The following JAK3 variants were observed in gnomAD, a reference collection of about 807,000 sequenced individuals.
JAK3 encodes the protein tyrosine-protein kinase JAK3.
A neutral mutation model predicts 120.8 loss-of-function variants in JAK3; 88 were observed. That is an observed-to-expected ratio of 0.73 (90% CI 0.61 to 0.87). The LOEUF (loss-of-function observed/expected upper bound fraction) is 0.87. Ranked by LOEUF, JAK3 falls within the 40% of genes least tolerant of loss-of-function variation. The probability of loss-of-function intolerance (pLI) is 0.00; values close to 1 mark genes in which losing one functional copy is unlikely to be tolerated. For synonymous variants in JAK3, 592 were observed against 628.6 expected, an observed-to-expected ratio of 0.94 and a Z score of 0.87; for missense variants, 1,254 against 1,501.4, an observed-to-expected ratio of 0.84 and a Z score of 2.72.
At chr19:17,845,016 C>G (rs539793037) in intron 1 of JAK3, among the ~76,000 whole-genome samples, 43 of 152,002 alleles carry the variant, frequency 2.8e-4, no homozygotes, top group Non-Finnish European at 5.1e-4. Context: ...AAGGAGGTCA[C>G]TCAAATTGAC....
Position 17,839,555 on chromosome 19 carries a change from C to T in JAK3, c.1363G>A (p.Ala455Thr). Reference sequence around the variant, plus strand: ...TGCAGCCCCCCATCCCAGCAGGTTGCCAGGAGCTCTCGAAGACTGCTGTGG... The same window carrying T: ...TGCAGCCCCCCATCCCAGCAGGTTGTCAGGAGCTCTCGAAGACTGCTGTGG... ...RPHSSLRELL[A>T]TCWDGGLHVD... Residue 455 changes from alanine (A) to threonine (T), a missense_variant, in exon 10 of 24, where the codon GCA (alanine) becomes ACA (threonine). Transcript: ENST00000458235. 1 of 1,608,320 alleles carries T rather than the reference C, an allele frequency of 6.2e-7. No homozygotes were observed. Among genetic ancestry groups the T allele is most frequent in the Non-Finnish European group, 8.5e-7 (1 of 1,177,748 alleles).
intron 1 of JAK3, among the ~76,000 whole-genome samples, chr19:17,845,896 C>T (rs1238390561): frequency 6.6e-6 from 1 of 152,128 alleles, no homozygotes; most frequent in East Asian, 1.9e-4. Flanking sequence ...ACAATCTCGG[C>T]TTACTCTGCA....
rs910497214 is a variant in JAK3 at position 17,826,182 on chromosome 19, G to A, written c.*561C>T. ...GAGGATCACTTGAGGTTAGGAGTTC[G>A]AGATCAGCCTGGCCATCATGGTGAA... On this transcript the variant is annotated 3_prime_UTR_variant, in exon 24 of 24. Coordinates refer to ENST00000458235, the MANE Select transcript of JAK3 (RefSeq NM_000215.4). 1.9e-5 allele frequency: 3 copies of A among 154,896 alleles called. No homozygotes were observed. The highest frequency in any genetic ancestry group is 4.3e-5 in the Non-Finnish European group (3 of 70,132). The allele number at this position is 154,896 out of a possible 1,614,324, so 9.6% of individuals were successfully genotyped here.
chr19:17,837,079 C>A (rs1323115035), intron 13 of JAK3, 50 bp downstream of exon 13: 3 of 1,075,380 alleles, frequency 2.8e-6, no homozygotes, highest in Admixed American at 5.4e-5. Flanking sequence ...GGAAGAACAG[C>A]CTAGACTTGG....
intron 10 of JAK3, chr19:17,839,131 A>T (rs904384009): frequency 4.8e-6 from 2 of 419,638 alleles, no homozygotes; most frequent in Non-Finnish European, 9.3e-6. Flanking sequence ...ACTGTGGACA[A>T]CCAGGGATCG....
intron 9 of JAK3, 129 bp downstream of exon 9, chr19:17,840,101 T>C (rs374357241): frequency 2.8e-6 from 2 of 723,528 alleles, no homozygotes; most frequent in African/African-American, 3.5e-5. Flanking sequence ...AATATGCTGT[T>C]CTGTTCACCG....
At position 17,840,361 on chromosome 19, in the gene JAK3, G is replaced by A. The variant is rs1034239903; in HGVS notation, c.1143-20C>T. The A allele has an allele frequency of 6.7e-6, 10 of 1,502,136 alleles. No individual in the cohort carries two copies. In the East Asian group the frequency reaches 6.8e-5, roughly 10 times the overall value. The allele number at this position is 1,502,136 out of a possible 1,614,324, so 93.1% of individuals were successfully genotyped here. On this transcript the variant is annotated intron_variant, in intron 8 of 23. Transcript: ENST00000458235. ...TCCAGACTGTGGGGGAAGGTGAGAG[G>A]GAATGGGGAGGAGTCAGAGATAGAA...
rs941028266 is a variant in JAK3, at chr19:17,842,479, G to A, written c.698C>T (p.Ser233Leu). 1.3e-6 allele frequency: 2 copies of A among 1,599,812 alleles called. No homozygotes were observed. The highest frequency in any genetic ancestry group is 2.3e-5 in the East Asian group (1 of 44,292). The change falls in exon 6 of 24, where the codon TCG becomes TTG. Residue 233 changes from serine (S) to leucine (L), a missense_variant. Physicochemically the swap from Ser to Leu is moderately radical, Grantham distance 145. Around this residue, in one of 3 missense-constraint regions of JAK3, gnomAD observed 486 missense variants for 503.0 expected, o/e 0.97. Coordinates refer to ENST00000458235, the MANE Select transcript of JAK3 (RefSeq NM_000215.4). The surrounding 1 kb of genome is among the most constrained non-coding windows in gnomAD (Gnocchi z 6.4). ...RVAACQADRH[S>L]LMAKYIMDLE... The stretch of plus-strand genomic sequence containing the variant: ...GTCCATGATGTACTTGGCCATGAGC[G>A]AGTGCCGGTCTGCCTGGCAGGCGGC...
At chr19:17,844,689 C>T (rs568110892) in intron 1 of JAK3, among the ~76,000 whole-genome samples, 1 of 151,014 alleles carries the variant, frequency 6.6e-6, no homozygotes, top group Non-Finnish European at 1.5e-5. Context: ...CCCAGCAACT[C>T]GGGAGGCTGA....
intron 22 of JAK3, 41 bp downstream of exon 22, chr19:17,830,462 G>T: frequency 6.6e-7 from 1 of 1,510,910 alleles, no homozygotes; most frequent in Non-Finnish European, 9.2e-7. Context: ...CGAGGGGCGT[G>T]GAGGGAGAAG....
Position 17,843,384 on chromosome 19 carries a change from G to T in JAK3, c.416C>A (p.Ala139Asp), listed in dbSNP as rs772683558. The change falls in exon 4 of 24, where the codon GCC (alanine) becomes GAC (aspartate). Residue 139 changes from alanine (A) to aspartate (D), a missense_variant. Physicochemically the swap from Ala to Asp is moderately radical, Grantham distance 126. This residue lies in a region of JAK3 where 486 missense variants were observed against 503.0 expected (regional missense o/e 0.97). Coordinates refer to ENST00000458235, the MANE Select transcript of JAK3 (RefSeq NM_000215.4). This position sits in a 1 kb window ranked among gnomAD's most constrained non-coding sequence, Gnocchi z 5.4. ...LDLPVLEHLF[A>D]QHRSDLVSGR... is the part of the protein sequence containing the mutation. ...AAACCCCAGGCAGAACCCCACCTGG[G>T]CAAAGAGGTGCTCCAGGACTGGCAG... The T allele has an allele frequency of 3.1e-6, 5 of 1,589,232 alleles. No individual in the cohort carries two copies. In the South Asian group the frequency reaches 4.6e-5, roughly 14 times the overall value.
rs780507569 is a variant in JAK3 at position 17,842,292 on chromosome 19, C to A, written c.861+24G>T. 6.5e-7 allele frequency: 1 copy of A among 1,535,326 alleles called. No individual in the cohort carries two copies. Among genetic ancestry groups the A allele is most frequent in the Non-Finnish European group, 8.7e-7 (1 of 1,147,900 alleles). On this transcript the variant is annotated intron_variant, in intron 6 of 23. Transcript: ENST00000458235. The surrounding 1 kb of genome is among the most constrained non-coding windows in gnomAD (Gnocchi z 6.4). ...GAGCCCCGCCCCCACGTTGGCCCCGCCCAGCGGGGGAGTCCGCCCTCACCT... is the reference window on the plus strand; with the variant it reads ...GAGCCCCGCCCCCACGTTGGCCCCGACCAGCGGGGGAGTCCGCCCTCACCT...
Position 17,831,856 on chromosome 19 carries a change from C to A in JAK3, c.2681-58G>T. ...CAGCCCTGCTCGTCCCCCCATTCTT[C>A]CCCCCTTTCACAGTGGGACCTTGTG... On this transcript the variant is annotated intron_variant, in intron 19 of 23. Transcript: ENST00000458235. This position sits in a 1 kb window ranked among gnomAD's most constrained non-coding sequence, Gnocchi z 5.1. 6.2e-7 allele frequency: 1 copy of A among 1,603,076 alleles called. No individual in the cohort carries two copies. The highest frequency in any genetic ancestry group is 1.1e-5 in the South Asian group (1 of 90,602).
intron 23 of JAK3, 134 bp from the exon 24 acceptor site, chr19:17,827,044 A>G (rs1948247937): frequency 1.0e-6 from 1 of 975,814 alleles, no homozygotes; most frequent in African/African-American, 1.6e-5. Context: ...CAATGGCATG[A>G]TCTCGGCTCA....
chr19:17,840,301 G>C lies in JAK3; in HGVS notation c.1183C>G (p.Arg395Gly). The change falls in exon 9 of 24, where the codon CGT becomes GGT. Residue 395 changes from arginine (R) to glycine (G), a missense_variant. By Grantham distance (125) the Arg-to-Gly change is moderately radical (BLOSUM62 -2). Transcript: ENST00000458235. ...AINKLKTGGS[R>G]PGSYVLRRSP... The stretch of plus-strand genomic sequence containing the variant: ...CGGCGGAGAACATAGGAGCCAGGAC[G>C]TGAGCCCCCAGTCTTGAGCTTGTTG... 6.2e-7 allele frequency: 1 copy of C among 1,613,998 alleles called. No individual in the cohort carries two copies. The highest frequency in any genetic ancestry group is 8.5e-7 in the Non-Finnish European group (1 of 1,179,990).
rs2094242876 is a variant in JAK3, at chr19:17,842,657, G to A, written c.567-47C>T. 1.3e-6 allele frequency: 2 copies of A among 1,491,278 alleles called. No homozygotes were observed. The highest frequency in any genetic ancestry group is 2.6e-5 in the South Asian group (2 of 75,566). 92.4% of individuals were successfully genotyped at this position (1,491,278 alleles called of 1,614,324 possible). ...GAGCCGGCCCTCAGCGTCGGGAGGG[G>A]TCCCCGCGGGGACACACACAAACCC... is the stretch of plus-strand genomic sequence containing the variant. On this transcript the variant is annotated intron_variant, in intron 5 of 23. Transcript: ENST00000458235. The surrounding 1 kb of genome is among the most constrained non-coding windows in gnomAD (Gnocchi z 6.4).
intron 23 of JAK3, 130 bp downstream of exon 23, chr19:17,829,978 G>A: frequency 1.4e-6 from 1 of 730,754 alleles, no homozygotes; most frequent in South Asian, 1.5e-5. Flanking sequence ...CCAAGTGGGG[G>A]CCAGGATCCT....
intron 1 of JAK3, among the ~76,000 whole-genome samples, chr19:17,845,508 AAG>A (rs940895643): frequency 6.6e-6 from 1 of 152,088 alleles, no homozygotes; most frequent in Non-Finnish European, 1.5e-5. Context: ...TCCTCTCAAA[AAG>A]AAAAAAAAGC....
At chr19:17,844,613 A>C (rs1233729108) in intron 1 of JAK3, among the ~76,000 whole-genome samples, 183 bp from the exon 2 acceptor site, 1 of 151,992 alleles carries the variant, frequency 6.6e-6, no homozygotes, top group Non-Finnish European at 1.5e-5. Flanking sequence ...TGCCTGGCCA[A>C]CATGGCGAAA....
Sources: gnomAD v4.1 joint callset for allele counts (sites outside exome capture counted in the v4.1 genomes callset) on GRCh38, gnomAD v4.1.1 for gene constraint, gnomAD v4.1.1 regional missense constraint, Gnocchi (gnomAD v3.1) non-coding constraint, MANE v1.5 for transcripts, NCBI Gene and HGNC (gene_info 2026-07-23, HGNC 2026-07-21) for gene names.